The following DNAH9 variants were observed in gnomAD, a reference collection of about 807,000 sequenced individuals.
DNAH9 encodes DNAH9 variant protein.
Under a neutral mutation model 471.6 loss-of-function variants are expected in DNAH9, and 345 were observed. That is an observed-to-expected ratio of 0.73 (90% CI 0.67 to 0.80). The LOEUF is 0.80. DNAH9 is among the 30% of genes least tolerant of loss of function. DNAH9 has a pLI of 0.00. For synonymous variants in DNAH9, 2,093 were observed against 2,123.6 expected, an observed-to-expected ratio of 0.99 and a Z score of 0.40; for missense variants, 5,407 against 5,609.2, an observed-to-expected ratio of 0.96 and a Z score of 1.15.
At chr17:11,815,661 C>T (rs1344427139) in intron 45 of DNAH9, among the ~76,000 whole-genome samples, 1 of 152,042 alleles carries the variant, frequency 6.6e-6, no homozygotes, top group Non-Finnish European at 1.5e-5. Flanking sequence ...TGATGGAGCG[C>T]ACCTCAGGTC....
rs1361940999 is a variant in DNAH9, at chr17:11,962,985, G to A, written c.13233+729G>A. 1.3e-5 allele frequency among the ~76,000 whole-genome samples: 2 copies of A among 152,184 alleles called. No homozygotes were observed. The highest frequency in any genetic ancestry group is 1.3e-4 in the Admixed American group (2 of 15,276). On this transcript the variant is annotated intron_variant, in intron 68 of 68. Transcript: ENST00000262442. This position sits in a 1 kb window ranked among gnomAD's most constrained non-coding sequence, Gnocchi z 4.1. ...TGTCACCAATAAGAATATGCAAATAGAGATTTACTTGGTTAAGTAGTGCCC... is the reference window on the plus strand; with the variant it reads ...TGTCACCAATAAGAATATGCAAATAAAGATTTACTTGGTTAAGTAGTGCCC...
Position 11,608,175 on chromosome 17 carries a change from C to T in DNAH9, c.464C>T (p.Pro155Leu). Residue 155 changes from proline to leucine, a missense_variant, in exon 2 of 69, where the codon CCC (proline) becomes CTC (leucine). By Grantham distance (98) the Pro-to-Leu change is moderately conservative (BLOSUM62 -3). Around this residue, in one of 3 missense-constraint regions of DNAH9, gnomAD observed 767 missense variants for 692.5 expected, o/e 1.11. Transcript: ENST00000262442. ...AATGAGAAGAATCGCCTAAACTGGC[C>T]CCACATGATATGTGAGGATGTCAGG... is the stretch of plus-strand genomic sequence containing the variant. Reference protein sequence around the residue: ...LANEKNRLNWPHMICEDVRRH... With the variant: ...LANEKNRLNWLHMICEDVRRH... 6.2e-7 allele frequency: 1 copy of T among 1,613,044 alleles called. No individual in the cohort carries two copies. Among genetic ancestry groups the T allele is most frequent in the Non-Finnish European group, 8.5e-7 (1 of 1,179,120 alleles).
chr17:11,878,501 C>G (rs1007831620), intron 53 of DNAH9, among the ~76,000 whole-genome samples: 2 of 151,984 alleles, frequency 1.3e-5, no homozygotes, highest in African/African-American at 4.8e-5. Flanking sequence ...CTTTTCTCTC[C>G]AAGAATTTTT....
chr17:11,894,718 G>C (rs1011108426), intron 59 of DNAH9, among the ~76,000 whole-genome samples: 1 of 152,194 alleles, frequency 6.6e-6, no homozygotes. Flanking sequence ...TCTGCCTCCA[G>C]GGTGTGAGGA....
At chr17:11,870,498 A>G (rs1273883418) in intron 51 of DNAH9, among the ~76,000 whole-genome samples, 2 of 152,224 alleles carry the variant, frequency 1.3e-5, no homozygotes, top group Non-Finnish European at 2.9e-5. Context: ...AGTCATAGCG[A>G]TCACTGAATG....
At chr17:11,855,163 A>G (rs935147180) in intron 50 of DNAH9, among the ~76,000 whole-genome samples, 1 of 152,238 alleles carries the variant, frequency 6.6e-6, no homozygotes, top group South Asian at 2.1e-4. Flanking sequence ...CAGCCTCCCA[A>G]AGTGCTGGGA....
intron 4 of DNAH9, among the ~76,000 whole-genome samples, chr17:11,616,777 A>ACCC (rs2072755232): frequency 6.6e-6 from 1 of 152,180 alleles, no homozygotes; most frequent in Admixed American, 6.5e-5. Context: ...CATAGGTGGG[A>ACCC]ATTGAACAAT....
intron 29 of DNAH9, among the ~76,000 whole-genome samples, chr17:11,741,022 TC>T (rs2075425825): frequency 6.6e-6 from 1 of 152,238 alleles, no homozygotes; most frequent in Non-Finnish European, 1.5e-5. Context: ...CCACTATTTT[TC>T]ATGGCTGCAT....
At chr17:11,737,133 G>A (rs2075361096) in intron 28 of DNAH9, among the ~76,000 whole-genome samples, 1 of 152,198 alleles carries the variant, frequency 6.6e-6, no homozygotes, top group Non-Finnish European at 1.5e-5. Context: ...CTTCTGCCAG[G>A]ATGGCATTGA....
intron 62 of DNAH9, chr17:11,925,191 A>C (rs1597834075): frequency 2.2e-6 from 1 of 455,692 alleles, no homozygotes; most frequent in South Asian, 1.6e-5. Context: ...ACCTTTTATC[A>C]CCCAGCCCAC....
Position 11,892,118 on chromosome 17 carries a change from C to G in DNAH9, c.11283+171C>G, listed in dbSNP as rs559768462. Reference sequence around the variant, plus strand: ...TCCAATGTGGTGTGTGCATCTGCCCCCACCATTTCCCACTTATGGCAGACA... The same window carrying G: ...TCCAATGTGGTGTGTGCATCTGCCCGCACCATTTCCCACTTATGGCAGACA... On this transcript the variant is annotated intron_variant, in intron 58 of 68. Transcript: ENST00000262442. This position sits in a 1 kb window ranked among gnomAD's most constrained non-coding sequence, Gnocchi z 4.3. 1.3e-5 allele frequency among the ~76,000 whole-genome samples: 2 copies of G among 152,302 alleles called. No individual in the cohort carries two copies. Among genetic ancestry groups the G allele is most frequent in the African/African-American group, 4.8e-5 (2 of 41,550 alleles).
intron 38 of DNAH9, among the ~76,000 whole-genome samples, chr17:11,779,273 C>T (rs1044721898): frequency 6.6e-6 from 1 of 152,138 alleles, no homozygotes; most frequent in Non-Finnish European, 1.5e-5. Flanking sequence ...GGTCACATTT[C>T]TTTACATGTC....
chr17:11,693,501 C>T (rs561167571), intron 20 of DNAH9, among the ~76,000 whole-genome samples: 20 of 151,936 alleles, frequency 1.3e-4, no homozygotes, highest in South Asian at 6.3e-4. Context: ...TCAAACCATC[C>T]GCCCGCGTCA....
chr17:11,727,047 C>CAAAAAAAAAAAAAAA (rs55659834), intron 27 of DNAH9, among the ~76,000 whole-genome samples: 11 of 68,474 alleles, frequency 1.6e-4, no homozygotes, highest in African/African-American at 5.7e-4. Context: ...GACTCCGTCT[C>CAAAAAAAAAAAAAAA]AAAAAAAAAA....
chr17:11,671,390 G>A (rs77221918), intron 17 of DNAH9, among the ~76,000 whole-genome samples: 3,724 of 152,150 alleles, frequency 0.024, 149 homozygotes, highest in African/African-American at 0.084. Flanking sequence ...GAGCTCCAGC[G>A]TCCATCAGGA....
chr17:11,935,166 T>G (rs1195565662), intron 65 of DNAH9, among the ~76,000 whole-genome samples: 7 of 151,578 alleles, frequency 4.6e-5, no homozygotes, highest in African/African-American at 1.7e-4. Flanking sequence ...TTCATCGTGT[T>G]GGCGAAGCTG....
intron 53 of DNAH9, among the ~76,000 whole-genome samples, chr17:11,877,119 A>G (rs374482456): frequency 5.3e-5 from 8 of 152,088 alleles, no homozygotes; most frequent in East Asian, 1.9e-4. Context: ...ACGGCACACA[A>G]TATATGTTAC....
At chr17:11,670,124 A>G (rs186872430) in intron 17 of DNAH9, among the ~76,000 whole-genome samples, 56 of 152,276 alleles carry the variant, frequency 3.7e-4, no homozygotes, top group Middle Eastern at 6.8e-3. Context: ...TGGGAAGGAG[A>G]GAGGGTCTAA....
intron 32 of DNAH9, among the ~76,000 whole-genome samples, chr17:11,751,210 AAG>A (rs1453205589): frequency 6.6e-6 from 1 of 151,984 alleles, no homozygotes; most frequent in Non-Finnish European, 1.5e-5. Flanking sequence ...AAAGTTAAAA[AAG>A]AGTAGAGCAA....
Sources: gnomAD v4.1 joint callset for allele counts (sites outside exome capture counted in the v4.1 genomes callset) on GRCh38, gnomAD v4.1.1 for gene constraint, gnomAD v4.1.1 regional missense constraint, Gnocchi (gnomAD v3.1) non-coding constraint, MANE v1.5 for transcripts, NCBI Gene and HGNC (gene_info 2026-07-23, HGNC 2026-07-21) for gene names.